Variants in LHFPL4 observed in about 807,000 individuals in gnomAD.
LHFPL4 encodes LHFPL tetraspan subfamily member 4 protein.
A neutral mutation model predicts 20.0 loss-of-function variants in LHFPL4; 6 were observed. That is an observed-to-expected ratio of 0.30 (90% CI 0.16 to 0.59). The LOEUF is 0.59. Among genes scored for constraint, LHFPL4 ranks in the 20% least tolerant of loss-of-function variants. The pLI is 0.88. For missense variants in LHFPL4, 215 were observed against 331.2 expected, an observed-to-expected ratio of 0.65 and a Z score of 2.72; for synonymous variants, 129 against 143.8, an observed-to-expected ratio of 0.90 and a Z score of 0.74.
chr3:9,552,692 C>CGGGGCCGGCGGCGGCGGCGGCTGGCG lies in LHFPL4; in HGVS notation c.-39_-14dup, dbSNP rs545721976. ...GCGAGGGCAGCATGGTGCCCGGAGG[C>CGGGGCCGGCGGCGGCGGCGGCTGGCG]GGGGCCGGCGGCGGCGGCGGCTGGC... On this transcript the variant is annotated 5_prime_UTR_variant, in exon 2 of 4. Coordinates refer to ENST00000287585, the MANE Select transcript of LHFPL4 (RefSeq NM_198560.3). 3.7e-6 allele frequency: 5 copies of CGGGGCCGGCGGCGGCGGCGGCTGGCG among 1,367,910 alleles called. No individual in the cohort carries two copies. The highest frequency in any genetic ancestry group is 2.2e-5 in the South Asian group (1 of 44,878). 84.7% of individuals were successfully genotyped at this position (1,367,910 alleles called of 1,614,324 possible).
chr3:9,513,249 C>T (rs547707604), intron 2 of LHFPL4, among the ~76,000 whole-genome samples: 1 of 152,134 alleles, frequency 6.6e-6, no homozygotes, highest in African/African-American at 2.4e-5. Flanking sequence ...CGTGAGCCAC[C>T]GCGCCCGGCC....
intron 2 of LHFPL4, among the ~76,000 whole-genome samples, chr3:9,533,236 A>C (rs1245651999): frequency 6.6e-6 from 1 of 152,186 alleles, no homozygotes; most frequent in Non-Finnish European, 1.5e-5. Flanking sequence ...AACTGTGTAG[A>C]TGAGTTCACC....
intron 2 of LHFPL4, among the ~76,000 whole-genome samples, chr3:9,511,234 C>G (rs1169022033): frequency 6.6e-6 from 1 of 151,696 alleles, no homozygotes; most frequent in Non-Finnish European, 1.5e-5. Flanking sequence ...GCCTGTAGTC[C>G]CAGCTACTCG....
chr3:9,503,640 C>T (rs923037416), intron 3 of LHFPL4, among the ~76,000 whole-genome samples: 1 of 152,220 alleles, frequency 6.6e-6, no homozygotes, highest in Non-Finnish European at 1.5e-5. Flanking sequence ...ATTACTGGAG[C>T]TCTGGAGTTC....
At chr3:9,504,824 C>CA (rs35221511) in intron 3 of LHFPL4, among the ~76,000 whole-genome samples, 117,250 of 144,946 alleles carry the variant, frequency 0.81, 47,204 homozygotes, top group East Asian at 0.98. Flanking sequence ...GACTCCATCT[C>CA]AAAAAAAAAA....
At chr3:9,547,488 A>C (rs1228671926) in intron 2 of LHFPL4, among the ~76,000 whole-genome samples, 1 of 152,260 alleles carries the variant, frequency 6.6e-6, no homozygotes, top group East Asian at 1.9e-4. Flanking sequence ...TCAGTGATAC[A>C]AACAGGTTCT....
At chr3:9,547,150 G>A (rs912123915) in intron 2 of LHFPL4, among the ~76,000 whole-genome samples, 4 of 152,036 alleles carry the variant, frequency 2.6e-5, no homozygotes, top group South Asian at 4.1e-4. Context: ...CACCACATCC[G>A]GCTAATTTTT....
At chr3:9,532,841 C>T (rs1031927437) in intron 2 of LHFPL4, among the ~76,000 whole-genome samples, 1 of 152,112 alleles carries the variant, frequency 6.6e-6, no homozygotes, top group Non-Finnish European at 1.5e-5. Context: ...GATGTGGCCT[C>T]TCTGATCTGC....
intron 2 of LHFPL4, among the ~76,000 whole-genome samples, chr3:9,508,107 C>G (rs80308958): frequency 0.021 from 3,256 of 152,268 alleles, 120 homozygotes; most frequent in African/African-American, 0.075. Flanking sequence ...CCTGGCCCAT[C>G]TAGTCCCCAG....
rs2046218459 is a variant in LHFPL4, at chr3:9,506,374, G to A, written c.407-171C>T. 6.6e-6 allele frequency among the ~76,000 whole-genome samples: 1 copy of A among 152,134 alleles called. No individual in the cohort carries two copies. The highest frequency in any genetic ancestry group is 1.5e-5 in the Non-Finnish European group (1 of 68,028). On this transcript the variant is annotated intron_variant, in intron 2 of 3. Coordinates refer to ENST00000287585, the MANE Select transcript of LHFPL4 (RefSeq NM_198560.3). This position sits in a 1 kb window ranked among gnomAD's most constrained non-coding sequence, Gnocchi z 4.5. ...AAAGAGAGGGCAGGGGCAGGGAAAA[G>A]AGAGAGAGAAAGAGGTCTACGATGG...
intron 2 of LHFPL4, among the ~76,000 whole-genome samples, chr3:9,519,706 G>C (rs911275861): frequency 8.6e-5 from 13 of 152,006 alleles, no homozygotes; most frequent in African/African-American, 3.1e-4. Flanking sequence ...CTACAGGCAT[G>C]TGCCACCATG....
rs2046151293 is a variant in LHFPL4 at position 9,498,987 on chromosome 3, C to A, written c.*3224G>T. On this transcript the variant is annotated 3_prime_UTR_variant, in exon 4 of 4. Coordinates refer to ENST00000287585, the MANE Select transcript of LHFPL4 (RefSeq NM_198560.3). ...GACTGTGGGCCAGGGACTGAACCACCCCTAGGCTGTGGCTGCCGTGGCCTC... is the reference window on the plus strand; with the variant it reads ...GACTGTGGGCCAGGGACTGAACCACACCTAGGCTGTGGCTGCCGTGGCCTC... 1 of 152,428 alleles carries A rather than the reference C, an allele frequency of 6.6e-6. No homozygotes were observed. The highest frequency in any genetic ancestry group is 1.5e-5 in the Non-Finnish European group (1 of 68,180). The allele number at this position is 152,428 out of a possible 1,614,324, so 9.4% of individuals were successfully genotyped here.
intron 3 of LHFPL4, among the ~76,000 whole-genome samples, chr3:9,504,966 A>G (rs1453676748): frequency 6.6e-6 from 1 of 151,158 alleles, no homozygotes; most frequent in Non-Finnish European, 1.5e-5. Flanking sequence ...TCAACATTAT[A>G]TTACTGAGAT....
chr3:9,508,277 G>T (rs2046232970), intron 2 of LHFPL4, among the ~76,000 whole-genome samples: 1 of 151,924 alleles, frequency 6.6e-6, no homozygotes, highest in Admixed American at 6.6e-5. Flanking sequence ...CCCAACACGT[G>T]CTCCTCTTCC....
intron 2 of LHFPL4, among the ~76,000 whole-genome samples, chr3:9,531,540 A>G (rs994379575): frequency 6.6e-6 from 1 of 152,248 alleles, no homozygotes; most frequent in African/African-American, 2.4e-5. Context: ...ATGGTGGATC[A>G]TGCCTGTAAT....
intron 2 of LHFPL4, among the ~76,000 whole-genome samples, chr3:9,529,850 C>T (rs2125662529): frequency 6.6e-6 from 1 of 151,206 alleles, no homozygotes; most frequent in African/African-American, 2.4e-5. Context: ...CCATGCTGGT[C>T]TTGAACTCCT....
chr3:9,539,628 T>A (rs2046465394), intron 2 of LHFPL4, among the ~76,000 whole-genome samples: 1 of 123,250 alleles, frequency 8.1e-6, no homozygotes, highest in Non-Finnish European at 1.8e-5. Flanking sequence ...TTGCTTATAG[T>A]AAAAAGAAAA....
At chr3:9,518,962 GTC>G (rs55935471) in intron 2 of LHFPL4, among the ~76,000 whole-genome samples, 3 of 133,738 alleles carry the variant, frequency 2.2e-5, no homozygotes, top group African/African-American at 7.8e-5. Flanking sequence ...TAGAGACAGA[GTC>G]TCTCTCTCTG....
rs2046561997 is a variant in LHFPL4 at position 9,552,468 on chromosome 3, G to T, written c.212C>A (p.Ala71Glu). Residue 71 changes from alanine to glutamate, a missense_variant, in exon 2 of 4, where the codon GCG becomes GAG. Transcript: ENST00000287585. ...GCCCCGGCAGGTGAGCTCGCGGCCCGCCAGCCCGCTGCCCACGCAGTAGTG... is the reference window on the plus strand; with the variant it reads ...GCCCCGGCAGGTGAGCTCGCGGCCCTCCAGCCCGCTGCCCACGCAGTAGTG... The part of the protein sequence containing the change: ...LFHYCVGSGL[A>E]GRELTCRGSF... 4.3e-6 allele frequency: 7 copies of T among 1,612,968 alleles called. No homozygotes were observed. The highest frequency in any genetic ancestry group is 5.9e-6 in the Non-Finnish European group (7 of 1,179,598).
Sources: allele counts gnomAD v4.1 joint callset (sites outside exome capture counted in the v4.1 genomes callset), GRCh38; gene constraint gnomAD v4.1.1; non-coding constraint Gnocchi (gnomAD v3.1); transcripts MANE v1.5; gene names NCBI Gene and HGNC (gene_info 2026-07-23, HGNC 2026-07-21).